The following TBC1D16 variants were observed in gnomAD, a reference collection of about 807,000 sequenced individuals.
TBC1D16 encodes the protein CTD-2529O21.1.
TBC1D16 carries 58 observed loss-of-function variants against 74.7 expected under a neutral mutation model. The ratio of observed to expected loss-of-function variants is 0.78; its 90% CI spans 0.63 to 0.97. The LOEUF is 0.97. Among genes scored for constraint, TBC1D16 ranks in the 50% least tolerant of loss-of-function variants. The pLI, the probability that TBC1D16 is intolerant of heterozygous loss-of-function variation, is 0.00. For synonymous variants in TBC1D16, 493 were observed against 474.7 expected (o/e 1.04, Z -0.50); for missense variants, 1,014 against 1,079.5 (o/e 0.94, Z 0.85).
At chr17:79,958,414 T>G (rs959102270) in intron 3 of TBC1D16, among the ~76,000 whole-genome samples, 10 of 152,092 alleles carry the variant, frequency 6.6e-5, no homozygotes, top group African/African-American at 2.4e-4. Context: ...GAGATGGGGT[T>G]TCGCCATGTT....
intron 3 of TBC1D16, among the ~76,000 whole-genome samples, chr17:79,968,616 G>A (rs576987610): frequency 6.6e-6 from 1 of 152,266 alleles, no homozygotes; most frequent in Non-Finnish European, 1.5e-5. Context: ...CACTTTGGGA[G>A]GCCGAGGCAG....
rs961728077 is a variant in TBC1D16, at chr17:79,983,086, G to A, written c.779+27074C>T. On this transcript the variant is annotated intron_variant, in intron 3 of 11. Coordinates refer to ENST00000310924, the MANE Select transcript of TBC1D16 (RefSeq NM_019020.4). The surrounding 1 kb of genome is among the most constrained non-coding windows in gnomAD (Gnocchi z 5.6). Reference sequence around the variant, plus strand: ...TCCAAGCACAGACGTGTTCATCAAGGACAAGCGGGAAGCCGGGAACAGCTC... The same window carrying A: ...TCCAAGCACAGACGTGTTCATCAAGAACAAGCGGGAAGCCGGGAACAGCTC... Among the ~76,000 whole-genome samples the A allele has an allele frequency of 6.6e-6, 1 of 152,210 alleles. No homozygotes were observed. The highest frequency in any genetic ancestry group is 2.4e-5 in the African/African-American group (1 of 41,452).
rs995743863 is a variant in TBC1D16 at position 79,985,985 on chromosome 17, C to T, written c.779+24175G>A. Among the ~76,000 whole-genome samples, 2 of 152,276 alleles carry T rather than the reference C, an allele frequency of 1.3e-5. No homozygotes were observed. Among genetic ancestry groups the T allele is most frequent in the South Asian group, 2.1e-4 (1 of 4,832 alleles). ...AACCATTTTTCCCAACGAAACTCTT[C>T]TGCCAGGCGGCATAAGGGGCGCGGC... On this transcript the variant is annotated intron_variant, in intron 3 of 11. Coordinates refer to ENST00000310924, the MANE Select transcript of TBC1D16 (RefSeq NM_019020.4). The surrounding 1 kb of genome is among the most constrained non-coding windows in gnomAD (Gnocchi z 4.9).
rs115698997 is a variant in TBC1D16, at chr17:79,989,191, A to T, written c.779+20969T>A. On this transcript the variant is annotated intron_variant, in intron 3 of 11. Transcript: ENST00000310924. ...AGCACCGTGTGCCCCCTGAACAGGG[A>T]TCCCCACATTCGATGAAAACAAAAT... Among the ~76,000 whole-genome samples, 619 of 152,316 alleles carry T rather than the reference A, an allele frequency of 4.1e-3. 8 individuals are homozygous for T. Among genetic ancestry groups the T allele is most frequent in the African/African-American group, 0.014 (596 of 41,572 alleles).
intron 3 of TBC1D16, among the ~76,000 whole-genome samples, chr17:79,964,875 T>C (rs1449958483): frequency 6.6e-6 from 1 of 152,112 alleles, no homozygotes; most frequent in Non-Finnish European, 1.5e-5. Context: ...TATATAAAAA[T>C]ATACTATCAA....
chr17:80,002,081 C>T (rs1188473855), intron 3 of TBC1D16, among the ~76,000 whole-genome samples: 6 of 152,142 alleles, frequency 3.9e-5, no homozygotes, highest in Non-Finnish European at 7.4e-5. Context: ...AGAAGGGATC[C>T]GGAACGAGCA....
At position 79,950,578 on chromosome 17, in the gene TBC1D16, G is replaced by T; in HGVS notation, c.1090C>A (p.Gln364Lys). The change falls in exon 6 of 12, where the codon CAG becomes AAG. Residue 364 changes from glutamine (Q) to lysine (K), a missense_variant and splice_region_variant. Transcript: ENST00000310924. This position sits in a 1 kb window ranked among gnomAD's most constrained non-coding sequence, Gnocchi z 4.6. Reference sequence around the variant, plus strand: ...ATGCATGTCTTATCGGGGGCGACCTGCTGGACGGGAGGAAAACTGGGCAAA... The same window carrying T: ...ATGCATGTCTTATCGGGGGCGACCTTCTGGACGGGAGGAAAACTGGGCAAA... ...YCTEMQLKDQQVAPDKTCMQF... is the reference protein window; with the variant it reads ...YCTEMQLKDQKVAPDKTCMQF... 6.2e-7 allele frequency: 1 copy of T among 1,611,540 alleles called. No individual in the cohort carries two copies. The highest frequency in any genetic ancestry group is 8.5e-7 in the Non-Finnish European group (1 of 1,179,290).
intron 3 of TBC1D16, among the ~76,000 whole-genome samples, chr17:79,958,984 C>G (rs891100442): frequency 4.6e-5 from 7 of 152,212 alleles, no homozygotes; most frequent in Non-Finnish European, 8.8e-5. Flanking sequence ...TACAACTGTT[C>G]ATCTGAAAAA....
At chr17:80,021,548 CAG>C (rs2036282014) in intron 1 of TBC1D16, among the ~76,000 whole-genome samples, 1 of 149,662 alleles carries the variant, frequency 6.7e-6, no homozygotes, top group Non-Finnish European at 1.5e-5. Context: ...ATTTTTAATA[CAG>C]AGATTAAGCT....
intron 7 of TBC1D16, among the ~76,000 whole-genome samples, chr17:79,949,455 C>A (rs1207265859): frequency 6.6e-6 from 1 of 152,242 alleles, no homozygotes; most frequent in Non-Finnish European, 1.5e-5. Context: ...GGGACGTCAG[C>A]GCCTAGTTAA....
intron 3 of TBC1D16, among the ~76,000 whole-genome samples, chr17:79,957,222 A>C (rs2033379620): frequency 6.6e-6 from 1 of 152,198 alleles, no homozygotes; most frequent in Non-Finnish European, 1.5e-5. Flanking sequence ...AGGAGGCTGG[A>C]AAGAATGACA....
intron 7 of TBC1D16, among the ~76,000 whole-genome samples, chr17:79,949,343 G>A (rs1327267768): frequency 1.3e-5 from 2 of 152,238 alleles, no homozygotes; most frequent in Non-Finnish European, 2.9e-5. Flanking sequence ...CTCCTGGAGA[G>A]AGAGCTGAGC....
chr17:79,990,463 T>C lies in TBC1D16; in HGVS notation c.779+19697A>G, dbSNP rs1260477924. Among the ~76,000 whole-genome samples, 1 of 152,204 alleles carries C rather than the reference T, an allele frequency of 6.6e-6. No individual in the cohort carries two copies. The highest frequency in any genetic ancestry group is 2.4e-5 in the African/African-American group (1 of 41,452). ...ACCAATTGCTGGGGTGGGGACAACC[T>C]ACACAGGCTTACAGACCTAATCCAA... On this transcript the variant is annotated intron_variant, in intron 3 of 11. Coordinates refer to ENST00000310924, the MANE Select transcript of TBC1D16 (RefSeq NM_019020.4). The surrounding 1 kb of genome is among the most constrained non-coding windows in gnomAD (Gnocchi z 4.8).
rs1212669917 is a variant in TBC1D16 at position 79,939,470 on chromosome 17, G to A, written c.*1389C>T. The A allele has an allele frequency of 6.6e-6, 1 of 152,196 alleles. No individual in the cohort carries two copies. Among genetic ancestry groups the A allele is most frequent in the Non-Finnish European group, 1.5e-5 (1 of 68,036 alleles). 9.4% of individuals were successfully genotyped at this position (152,196 alleles called of 1,614,324 possible). On this transcript the variant is annotated 3_prime_UTR_variant, in exon 12 of 12. Coordinates refer to ENST00000310924, the MANE Select transcript of TBC1D16 (RefSeq NM_019020.4). Reference sequence around the variant, plus strand: ...CCTCCAGGGAGAAAAGCTTTGAGTGGGAAGAAGCCTTCTATCCTGGTCCCC... The same window carrying A: ...CCTCCAGGGAGAAAAGCTTTGAGTGAGAAGAAGCCTTCTATCCTGGTCCCC...
chr17:79,942,045 C>A lies in TBC1D16; in HGVS notation c.2055+15G>T. On this transcript the variant is annotated intron_variant, in intron 11 of 11. Coordinates refer to ENST00000310924, the MANE Select transcript of TBC1D16 (RefSeq NM_019020.4). ...GGGCGGGGCGGGGTGGGGCCCACAT[C>A]TGGGGCAGCCTCACCTTCCGGAGAA... 3.7e-6 allele frequency: 6 copies of A among 1,603,946 alleles called. No homozygotes were observed. In the South Asian group the frequency reaches 5.6e-5, roughly 15 times the overall value.
intron 9 of TBC1D16, among the ~76,000 whole-genome samples, chr17:79,947,247 C>T (rs573220697): frequency 1.8e-4 from 28 of 152,328 alleles, no homozygotes; most frequent in Admixed American, 6.5e-4. Context: ...TTCCTGTCTG[C>T]ACTCAGAAGC....
At chr17:79,943,174 G>A (rs1028023556) in intron 10 of TBC1D16, among the ~76,000 whole-genome samples, 1 of 152,248 alleles carries the variant, frequency 6.6e-6, no homozygotes, top group African/African-American at 2.4e-5. Flanking sequence ...CCTGCTCCTG[G>A]AGAGACCATG....
chr17:79,976,424 G>A (rs1488587436), intron 3 of TBC1D16, among the ~76,000 whole-genome samples: 5 of 152,254 alleles, frequency 3.3e-5, no homozygotes, highest in Non-Finnish European at 7.3e-5. Flanking sequence ...TTAGAGAGAA[G>A]AGGATGGAGG....
chr17:79,942,173 T>C lies in TBC1D16; in HGVS notation c.1942A>G (p.Ile648Val). The C allele has an allele frequency of 6.2e-7, 1 of 1,607,798 alleles. No individual in the cohort carries two copies. ...ACGTCATCCCCGTAGATGGCCACGATGGCCACGCAGATGAAAAGGTGGAAG... is the reference window on the plus strand; with the variant it reads ...ACGTCATCCCCGTAGATGGCCACGACGGCCACGCAGATGAAAAGGTGGAAG... ...DYFHLFICVAIVAIYGDDVIE... is the reference protein window; with the variant it reads ...DYFHLFICVAVVAIYGDDVIE... Residue 648 changes from isoleucine to valine, a missense_variant, in exon 11 of 12, where the codon ATC becomes GTC. By Grantham distance (29) the Ile-to-Val change is conservative. Transcript: ENST00000310924.
Sources: allele counts gnomAD v4.1 joint callset (sites outside exome capture counted in the v4.1 genomes callset), GRCh38; gene constraint gnomAD v4.1.1; non-coding constraint Gnocchi (gnomAD v3.1); transcripts MANE v1.5; gene names NCBI Gene and HGNC (gene_info 2026-07-23, HGNC 2026-07-21).